The following SLC16A9 variants were observed in gnomAD, a reference collection of about 807,000 sequenced individuals.
The protein encoded by SLC16A9 is monocarboxylate transporter 9.
A neutral mutation model predicts 44.3 loss-of-function variants in SLC16A9; 26 were observed. The ratio of observed to expected loss-of-function variants is 0.59; its 90% CI spans 0.43 to 0.81. SLC16A9 has a LOEUF of 0.81. Ranked by LOEUF, SLC16A9 falls within the 40% of genes least tolerant of loss-of-function variation. The probability of loss-of-function intolerance (pLI) is 0.00; values close to 1 mark genes in which losing one functional copy is unlikely to be tolerated. For missense variants in SLC16A9, 559 were observed against 595.8 expected (o/e 0.94, Z 0.64); for synonymous variants, 230 against 225.1 (o/e 1.02, Z -0.19).
chr10:59,697,480 G>A (rs1022695989), intron 1 of SLC16A9, among the ~76,000 whole-genome samples: 4 of 151,988 alleles, frequency 2.6e-5, no homozygotes, highest in South Asian at 2.1e-4. Context: ...ACTCAGGGTT[G>A]AATGGATTAA....
At chr10:59,697,272 C>T (rs1039647241) in intron 1 of SLC16A9, among the ~76,000 whole-genome samples, 36 of 151,000 alleles carry the variant, frequency 2.4e-4, no homozygotes, top group African/African-American at 7.3e-4. Flanking sequence ...ATGACAATGG[C>T]GGTTTTGTGG....
intron 2 of SLC16A9, among the ~76,000 whole-genome samples, chr10:59,676,759 C>A (rs1270974874): frequency 6.6e-6 from 1 of 151,858 alleles, no homozygotes; most frequent in Non-Finnish European, 1.5e-5. Context: ...CCTGCCTCTA[C>A]TAAAAATACA....
rs1174925837 is a variant in SLC16A9 at position 59,652,157 on chromosome 10, G to A, written c.*615C>T. ...GCTCAGTGGGTACCAAACAACATGC[G>A]AGTACTTCAGTGAGGTAAATAGAAT... On this transcript the variant is annotated 3_prime_UTR_variant, in exon 6 of 6. Coordinates refer to ENST00000395348, the MANE Select transcript of SLC16A9 (RefSeq NM_194298.3). The A allele has an allele frequency of 2.0e-5, 3 of 152,170 alleles. No homozygotes were observed. Among genetic ancestry groups the A allele is most frequent in the Admixed American group, 6.5e-5 (1 of 15,272 alleles). The allele number at this position is 152,170 out of a possible 1,614,324, so 9.4% of individuals were successfully genotyped here.
intron 2 of SLC16A9, among the ~76,000 whole-genome samples, chr10:59,673,969 A>G (rs559343521): frequency 6.6e-6 from 1 of 152,344 alleles, no homozygotes; most frequent in East Asian, 1.9e-4. Context: ...CTACAGAAAC[A>G]AGCAAAACTA....
At chr10:59,661,007 A>T (rs1839462866) in intron 4 of SLC16A9, among the ~76,000 whole-genome samples, 1 of 152,196 alleles carries the variant, frequency 6.6e-6, no homozygotes, top group Non-Finnish European at 1.5e-5. Flanking sequence ...CATATCTCAA[A>T]ATAATAAGAT....
chr10:59,690,202 GA>G (rs754953179), intron 1 of SLC16A9, among the ~76,000 whole-genome samples: 4 of 152,126 alleles, frequency 2.6e-5, no homozygotes, highest in Non-Finnish European at 4.4e-5. Context: ...AGAAAAAAAA[GA>G]AGAAAGTGGT....
chr10:59,673,954 A>G (rs1421169967), intron 2 of SLC16A9, among the ~76,000 whole-genome samples: 2 of 152,262 alleles, frequency 1.3e-5, no homozygotes, highest in South Asian at 2.1e-4. Context: ...TTTCAATTAT[A>G]AAAACTACAG....
Position 59,699,444 on chromosome 10 carries a change from T to C in SLC16A9, c.-37+10035A>G, listed in dbSNP as rs10993971. On this transcript the variant is annotated intron_variant, in intron 1 of 5. Coordinates refer to ENST00000395348, the MANE Select transcript of SLC16A9 (RefSeq NM_194298.3). The stretch of plus-strand genomic sequence containing the variant: ...AACGTCTATTCTAGAAAATTTCGCA[T>C]AAGGAATAAGCACACTGGCTGGTGT... Among the ~76,000 whole-genome samples, 1,018 of 152,290 alleles carry C rather than the reference T, an allele frequency of 6.7e-3. 8 individuals are homozygous for C. The highest frequency in any genetic ancestry group is 0.023 in the African/African-American group (948 of 41,566).
At chr10:59,685,966 TG>T (rs2132498533) in intron 1 of SLC16A9, among the ~76,000 whole-genome samples, 1 of 131,222 alleles carries the variant, frequency 7.6e-6, no homozygotes, top group African/African-American at 2.8e-5. Context: ...AGTTTCAACT[TG>T]CATTTCTTTC....
chr10:59,685,750 A>C (rs1004592430), intron 1 of SLC16A9, among the ~76,000 whole-genome samples: 3 of 152,226 alleles, frequency 2.0e-5, no homozygotes, highest in Admixed American at 1.3e-4. Context: ...CAAAAGAGGA[A>C]TTGCTGAGTC....
Position 59,701,373 on chromosome 10 carries a change from A to C in SLC16A9, c.-37+8106T>G, listed in dbSNP as rs185829769. Among the ~76,000 whole-genome samples, 186 of 152,148 alleles carry C rather than the reference A, an allele frequency of 1.2e-3. 2 individuals are homozygous for C. In the East Asian group the frequency reaches 0.026, roughly 21 times the overall value. On this transcript the variant is annotated intron_variant, in intron 1 of 5. Coordinates refer to ENST00000395348, the MANE Select transcript of SLC16A9 (RefSeq NM_194298.3). ...GCTGCTCCCAGATCCATCTTCCTAA[A>C]CCGTGGCTCTCTGGTCATCTCAATT... is the stretch of plus-strand genomic sequence containing the variant.
chr10:59,657,728 C>T (rs972957244), intron 4 of SLC16A9, among the ~76,000 whole-genome samples: 3 of 152,216 alleles, frequency 2.0e-5, no homozygotes, highest in Admixed American at 2.0e-4. Context: ...TAACTGCTAA[C>T]ACTTGAGAGC....
intron 4 of SLC16A9, among the ~76,000 whole-genome samples, chr10:59,664,018 A>G (rs1839546157): frequency 1.4e-5 from 2 of 146,358 alleles, no homozygotes; most frequent in Admixed American, 1.4e-4. Context: ...ATAAAAATTT[A>G]TAATGTAAAA....
rs191249841 is a variant in SLC16A9, at chr10:59,680,135, G to A, written c.196+3961C>T. On this transcript the variant is annotated intron_variant, in intron 2 of 5. Coordinates refer to ENST00000395348, the MANE Select transcript of SLC16A9 (RefSeq NM_194298.3). Reference sequence around the variant, plus strand: ...TCATTCACAATGTATAACCCAGGAGGGTAGGATCCTTCCTACCCAGCTTTA... The same window carrying A: ...TCATTCACAATGTATAACCCAGGAGAGTAGGATCCTTCCTACCCAGCTTTA... 3.4e-3 allele frequency among the ~76,000 whole-genome samples: 519 copies of A among 152,138 alleles called. 6 individuals carry two copies. Among genetic ancestry groups the A allele is most frequent in the South Asian group, 0.021 (102 of 4,806 alleles).
intron 1 of SLC16A9, among the ~76,000 whole-genome samples, chr10:59,694,412 T>C (rs980228284): frequency 1.3e-5 from 2 of 152,188 alleles, no homozygotes; most frequent in South Asian, 2.1e-4. Flanking sequence ...CGATTAAATA[T>C]CTACATCTTA....
intron 2 of SLC16A9, among the ~76,000 whole-genome samples, chr10:59,678,546 C>CTTTTTTTTCTTTTTTTTTTTTTTTTTTTT (rs751112027): frequency 3.6e-4 from 11 of 30,620 alleles, no homozygotes; most frequent in Non-Finnish European, 4.9e-4. Flanking sequence ...TTTTCTTTTT[C>CTTTTTTTTCTTTTTTTTTTTTTTTTTTTT]TTTTTTTTGA....
At chr10:59,689,258 T>C (rs895758186) in intron 1 of SLC16A9, among the ~76,000 whole-genome samples, 9 of 152,196 alleles carry the variant, frequency 5.9e-5, no homozygotes, top group African/African-American at 2.2e-4. Flanking sequence ...GCTTCCTCTA[T>C]TCCCTAGGTG....
chr10:59,703,051 T>C (rs866781424), intron 1 of SLC16A9, among the ~76,000 whole-genome samples: 1 of 152,228 alleles, frequency 6.6e-6, no homozygotes, highest in African/African-American at 2.4e-5. Flanking sequence ...AGAGGAGCAG[T>C]TCTGAATCTT....
At chr10:59,687,050 G>C (rs1285275774) in intron 1 of SLC16A9, among the ~76,000 whole-genome samples, 1 of 152,164 alleles carries the variant, frequency 6.6e-6, no homozygotes, top group Admixed American at 6.5e-5. Context: ...TGGGATTACA[G>C]GCACCACCAT....
Sources: allele counts gnomAD v4.1 joint callset (sites outside exome capture counted in the v4.1 genomes callset), GRCh38; gene constraint gnomAD v4.1.1; transcripts MANE v1.5; gene names NCBI Gene and HGNC (gene_info 2026-07-23, HGNC 2026-07-21).